SLC38A9: variants seen among roughly 807,000 people sequenced by gnomAD.
The protein encoded by SLC38A9 is solute carrier family 38 member 9.
SLC38A9 carries 48 observed loss-of-function variants against 62.3 expected under a neutral mutation model. The ratio of observed to expected loss-of-function variants is 0.77; its 90% confidence interval spans 0.61 to 0.98. The LOEUF is 0.98. Among genes scored for constraint, SLC38A9 ranks in the 50% least tolerant of loss-of-function variants. The pLI is 0.00. For missense variants in SLC38A9, 541 were observed against 679.8 expected (o/e 0.80, Z 2.27); for synonymous variants, 204 against 227.7 (o/e 0.90, Z 0.94).
At chr5:55,679,053 T>C (rs1232659875) in intron 3 of SLC38A9, among the ~76,000 whole-genome samples, 1 of 151,678 alleles carries the variant, frequency 6.6e-6, no homozygotes, top group East Asian at 1.9e-4. Flanking sequence ...AAAAATTGAC[T>C]ATACTGCCAA....
chr5:55,655,302 T>C (rs12522943), intron 9 of SLC38A9, among the ~76,000 whole-genome samples: 4 of 152,226 alleles, frequency 2.6e-5, no homozygotes, highest in Admixed American at 2.6e-4. Flanking sequence ...TCAATGTGAC[T>C]GTGATATTAA....
intron 1 of SLC38A9, among the ~76,000 whole-genome samples, chr5:55,711,720 C>T (rs1480712775): frequency 6.6e-6 from 1 of 152,142 alleles, no homozygotes; most frequent in Non-Finnish European, 1.5e-5. Flanking sequence ...CTCTAGATGT[C>T]CCCAACTCGG....
At chr5:55,645,128 A>G (rs1350071363) in intron 12 of SLC38A9, among the ~76,000 whole-genome samples, 1 of 152,160 alleles carries the variant, frequency 6.6e-6, no homozygotes, top group Non-Finnish European at 1.5e-5. Flanking sequence ...TGGCATGAAC[A>G]CAGTTCACCA....
At chr5:55,641,819 C>T (rs998573289) in intron 12 of SLC38A9, among the ~76,000 whole-genome samples, 5 of 152,214 alleles carry the variant, frequency 3.3e-5, no homozygotes, top group African/African-American at 1.2e-4. Context: ...TTATCACGTG[C>T]ACTTGTTATT....
chr5:55,664,884 A>C lies in SLC38A9; in HGVS notation c.527-21T>G. On this transcript the variant is annotated intron_variant, in intron 7 of 15. Coordinates refer to ENST00000396865, the MANE Select transcript of SLC38A9 (RefSeq NM_173514.4). ...CGAAACTAGATAAAATAAGAGAAAG[A>C]ATAAAACTAAATGTTGAACATATAT... 3 of 1,446,734 alleles carry C rather than the reference A, an allele frequency of 2.1e-6. No individual in the cohort carries two copies. The South Asian group carries it at 4.2e-5, about 20-fold the overall frequency. The allele number at this position is 1,446,734 out of a possible 1,614,324, so 89.6% of individuals were successfully genotyped here.
intron 14 of SLC38A9, among the ~76,000 whole-genome samples, chr5:55,631,027 G>A (rs1216785386): frequency 6.6e-6 from 1 of 152,154 alleles, no homozygotes; most frequent in Non-Finnish European, 1.5e-5. Flanking sequence ...CAGCTACTCG[G>A]GAGGCTGAGG....
At chr5:55,681,487 C>A (rs972495673) in intron 3 of SLC38A9, among the ~76,000 whole-genome samples, 1 of 152,184 alleles carries the variant, frequency 6.6e-6, no homozygotes, top group Non-Finnish European at 1.5e-5. Context: ...TCAGTCTCTA[C>A]CCCTATGGTT....
intron 7 of SLC38A9, among the ~76,000 whole-genome samples, chr5:55,667,271 TA>T (rs1750636387): frequency 6.6e-6 from 1 of 152,166 alleles, no homozygotes; most frequent in African/African-American, 2.4e-5. Flanking sequence ...AAAAACTGAT[TA>T]ATTATGAATA....
At chr5:55,664,322 T>C (rs1750104640) in intron 8 of SLC38A9, among the ~76,000 whole-genome samples, 1 of 152,162 alleles carries the variant, frequency 6.6e-6, no homozygotes, top group Non-Finnish European at 1.5e-5. Flanking sequence ...CCATTATTCT[T>C]TGACTTCCTA....
intron 3 of SLC38A9, among the ~76,000 whole-genome samples, chr5:55,695,692 C>A (rs1415912273): frequency 1.2e-5 from 1 of 86,152 alleles, no homozygotes; most frequent in African/African-American, 3.6e-5. Flanking sequence ...CGGCAACCAT[C>A]CGATTTCTCA....
chr5:55,651,883 G>A (rs535256446), intron 10 of SLC38A9, among the ~76,000 whole-genome samples: 11 of 151,048 alleles, frequency 7.3e-5, no homozygotes, highest in Non-Finnish European at 1.2e-4. Flanking sequence ...CGTGTATTTC[G>A]TCTAGTTGTA....
chr5:55,666,665 G>T (rs1368328165), intron 7 of SLC38A9, among the ~76,000 whole-genome samples: 24 of 152,048 alleles, frequency 1.6e-4, no homozygotes, highest in Non-Finnish European at 1.9e-4. Context: ...GGCTGAGGCA[G>T]GTGGATCAAC....
intron 13 of SLC38A9, chr5:55,634,188 A>G (rs1477872380): frequency 4.1e-6 from 1 of 242,058 alleles, no homozygotes; most frequent in Non-Finnish European, 7.9e-6. Flanking sequence ...AGCAAAGACA[A>G]TTTTGTCCTT....
chr5:55,671,369 TGAA>T, intron 4 of SLC38A9, among the ~76,000 whole-genome samples: 1 of 152,066 alleles, frequency 6.6e-6, no homozygotes, highest in East Asian at 1.9e-4. Context: ...ATAAACAAAA[TGAA>T]GAATATCATG....
intron 13 of SLC38A9, 27 bp from the exon 14 acceptor site, chr5:55,633,929 T>C: frequency 6.4e-7 from 1 of 1,555,678 alleles, no homozygotes; most frequent in Non-Finnish European, 8.8e-7. Context: ...AATGAGGTCA[T>C]GTTAAAAATC....
At chr5:55,664,888 A>C in intron 7 of SLC38A9, 25 bp from the exon 8 acceptor site, 3 of 1,444,918 alleles carry the variant, frequency 2.1e-6, no homozygotes. Flanking sequence ...AGAAAGAATA[A>C]AACTAAATGT....
intron 4 of SLC38A9, among the ~76,000 whole-genome samples, chr5:55,672,054 C>T (rs866544306): frequency 2.6e-5 from 4 of 152,226 alleles, no homozygotes; most frequent in Middle Eastern, 6.8e-3. Context: ...GTTTCACCAT[C>T]TTCTCCAGGC....
chr5:55,657,293 G>T (rs752605062), intron 8 of SLC38A9, among the ~76,000 whole-genome samples: 1 of 152,114 alleles, frequency 6.6e-6, no homozygotes, highest in East Asian at 1.9e-4. Flanking sequence ...AAATCTTTAC[G>T]TGTAAATTGA....
chr5:55,640,521 T>C (rs73125603), intron 12 of SLC38A9, among the ~76,000 whole-genome samples: 7,440 of 152,192 alleles, frequency 0.049, 313 homozygotes, highest in African/African-American at 0.11. Flanking sequence ...AGACCATGCA[T>C]TAAGAACGCC....
Sources: allele counts gnomAD v4.1 joint callset (sites outside exome capture counted in the v4.1 genomes callset), GRCh38; gene constraint gnomAD v4.1.1; transcripts MANE v1.5; gene names NCBI Gene and HGNC (gene_info 2026-07-23, HGNC 2026-07-21).